The following NT5DC1 variants were observed in gnomAD, a reference collection of about 807,000 sequenced individuals.
NT5DC1 encodes 5'-nucleotidase domain containing 1.
A neutral mutation model predicts 59.4 loss-of-function variants in NT5DC1; 42 were observed. The ratio of observed to expected loss-of-function variants is 0.71; its 90% confidence interval spans 0.55 to 0.92. The LOEUF is 0.92. Among genes scored for constraint, NT5DC1 ranks in the 40% least tolerant of loss-of-function variants. The probability of loss-of-function intolerance (pLI) is 0.00; values close to 1 mark genes in which losing one functional copy is unlikely to be tolerated. For synonymous variants in NT5DC1, 172 were observed against 188.1 expected, an observed-to-expected ratio of 0.91 and a Z score of 0.70; for missense variants, 501 against 537.1, an observed-to-expected ratio of 0.93 and a Z score of 0.66.
intron 6 of NT5DC1, among the ~76,000 whole-genome samples, chr6:116,127,812 C>T (rs1375567954): frequency 1.3e-5 from 2 of 152,138 alleles, no homozygotes; most frequent in African/African-American, 2.4e-5. Flanking sequence ...CACTCGTGAA[C>T]GTTCAGAAGA....
At position 116,238,361 on chromosome 6, in the gene NT5DC1, T is replaced by C; in HGVS notation, c.1083+13T>C. On this transcript the variant is annotated intron_variant, in intron 10 of 11. Transcript: ENST00000319550. ...AGGAAAATATGAGGTAAGGGTTCCC[T>C]GCAGCTCTTTCCTTGAAAGACAAAT... 1.3e-6 allele frequency: 2 copies of C among 1,542,336 alleles called. No homozygotes were observed. Among genetic ancestry groups the C allele is most frequent in the Non-Finnish European group, 1.7e-6 (2 of 1,147,972 alleles).
chr6:116,109,473 G>A (rs1453463057), intron 3 of NT5DC1, among the ~76,000 whole-genome samples: 2 of 152,204 alleles, frequency 1.3e-5, no homozygotes, highest in Non-Finnish European at 2.9e-5. Context: ...ACAGTTAAAA[G>A]AATGAAAAGC....
intron 11 of NT5DC1, among the ~76,000 whole-genome samples, chr6:116,241,913 A>G (rs1324858264): frequency 4.6e-5 from 5 of 107,952 alleles, no homozygotes; most frequent in Non-Finnish European, 8.8e-5. Context: ...ACAGAGCAAG[A>G]CTCCGTCTCA....
intron 6 of NT5DC1, among the ~76,000 whole-genome samples, chr6:116,173,884 T>C (rs1249594529): frequency 6.6e-6 from 1 of 152,200 alleles, no homozygotes; most frequent in Non-Finnish European, 1.5e-5. Context: ...CTACCAGTTT[T>C]TATACTAATG....
chr6:116,106,312 G>T lies in NT5DC1; in HGVS notation c.162G>T (p.Val54=). ...GGTACGATAAGGAATTGCTCAATGT[G>T]ACCCCAGAGGATTGGGATTTCTGGT... ...EKGYDKELLN[V]TPEDWDFCCK... Residue 54 remains valine, a synonymous_variant, in exon 2 of 12, where the codon GTG becomes GTT. Transcript: ENST00000319550. The T allele has an allele frequency of 6.5e-7, 1 of 1,531,968 alleles. No homozygotes were observed. Among genetic ancestry groups the T allele is most frequent in the Non-Finnish European group, 9.0e-7 (1 of 1,108,406 alleles). The allele number at this position is 1,531,968 out of a possible 1,614,324, so 94.9% of individuals were successfully genotyped here.
Position 116,247,660 on chromosome 6 carries a change from A to G in NT5DC1, c.*3636A>G, listed in dbSNP as rs1771875048. The G allele has an allele frequency of 6.6e-6, 1 of 152,186 alleles. No homozygotes were observed. Among genetic ancestry groups the G allele is most frequent in the African/African-American group, 2.4e-5 (1 of 41,438 alleles). The allele number at this position is 152,186 out of a possible 1,614,324, so 9.4% of individuals were successfully genotyped here. On this transcript the variant is annotated 3_prime_UTR_variant, in exon 12 of 12. Coordinates refer to ENST00000319550, the MANE Select transcript of NT5DC1 (RefSeq NM_152729.3). ...GTTCACAGACTCTTTTCAAAAAACA[A>G]GTTTATTTTACTTTTTTTGGTACTT...
intron 6 of NT5DC1, chr6:116,122,003 G>C (rs773249195): frequency 1.3e-6 from 2 of 1,534,842 alleles, no homozygotes; most frequent in Non-Finnish European, 1.8e-6. Flanking sequence ...GAAGGGGATG[G>C]TTAGTGACAT....
At chr6:116,167,835 C>T (rs190020294) in intron 6 of NT5DC1, among the ~76,000 whole-genome samples, 6 of 152,162 alleles carry the variant, frequency 3.9e-5, no homozygotes, top group African/African-American at 1.2e-4. Flanking sequence ...TAGAGCTAAA[C>T]AATCATATCT....
intron 11 of NT5DC1, among the ~76,000 whole-genome samples, chr6:116,240,692 A>T (rs1771694859): frequency 1.3e-5 from 2 of 152,252 alleles, no homozygotes; most frequent in Non-Finnish European, 2.9e-5. Flanking sequence ...ATTAAAAGCA[A>T]TCAAGAGCAT....
chr6:116,121,396 C>A lies in NT5DC1; in HGVS notation c.529+3451C>A, dbSNP rs112875740. 8.5e-5 allele frequency: 137 copies of A among 1,614,004 alleles called. No individual in the cohort carries two copies. In the African/African-American group the frequency reaches 1.5e-3, roughly 18 times the overall value. ...GTGGGCCAATTGGTCCCATTTCTCC[C>A]GGAAAACCTCTATCACCTTTGATGC... is the stretch of plus-strand genomic sequence containing the variant. On this transcript the variant is annotated intron_variant, in intron 6 of 11. Transcript: ENST00000319550.
chr6:116,106,456 C>T lies in NT5DC1; in HGVS notation c.185+121C>T, dbSNP rs1778770935. On this transcript the variant is annotated intron_variant, in intron 2 of 11. Transcript: ENST00000319550. ...TGGAATGTGAAATGTGAGATTGAGT[C>T]AAAGGACAAATGCCTTCTATATTAA... 15 of 625,868 alleles carry T rather than the reference C, an allele frequency of 2.4e-5. No individual in the cohort carries two copies. In the South Asian group the frequency reaches 2.9e-4, roughly 12 times the overall value. The allele number at this position is 625,868 out of a possible 1,614,324, so 38.8% of individuals were successfully genotyped here.
intron 6 of NT5DC1, among the ~76,000 whole-genome samples, chr6:116,138,362 C>G (rs1194090343): frequency 6.6e-6 from 1 of 152,190 alleles, no homozygotes; most frequent in Non-Finnish European, 1.5e-5. Context: ...CACTACTTAA[C>G]TAGGAACTAC....
At chr6:116,232,498 A>G (rs1782037337) in intron 8 of NT5DC1, among the ~76,000 whole-genome samples, 1 of 147,490 alleles carries the variant, frequency 6.8e-6, no homozygotes, top group African/African-American at 2.6e-5. Flanking sequence ...TAAGACTTAA[A>G]AAACATGTAA....
At chr6:116,183,497 G>T (rs1780930902) in intron 6 of NT5DC1, among the ~76,000 whole-genome samples, 1 of 151,388 alleles carries the variant, frequency 6.6e-6, no homozygotes, top group East Asian at 1.9e-4. Flanking sequence ...ATATTTTGTG[G>T]GATTTTTATA....
At position 116,108,237 on chromosome 6, in the gene NT5DC1, T is replaced by C. The variant is rs1778804123; in HGVS notation, c.186-127T>C. On this transcript the variant is annotated intron_variant, in intron 2 of 11. Coordinates refer to ENST00000319550, the MANE Select transcript of NT5DC1 (RefSeq NM_152729.3). The stretch of plus-strand genomic sequence containing the variant: ...TTCTTAGATATTCTTAATTGTGTGA[T>C]TAACATATCATTCCCCTGGGTGGCA... 1.1e-5 allele frequency: 7 copies of C among 662,992 alleles called. No individual in the cohort carries two copies. In the South Asian group the frequency reaches 1.2e-4, roughly 12 times the overall value. The allele number at this position is 662,992 out of a possible 1,614,324, so 41.1% of individuals were successfully genotyped here. A position where few individuals can be genotyped will look rare whatever the true frequency, so the allele number is the denominator to read the frequency against.
Position 116,110,285 on chromosome 6 carries a change from C to G in NT5DC1, c.258-565C>G, listed in dbSNP as rs1778847648. The stretch of plus-strand genomic sequence containing the variant: ...ATACCTACTTTCTTGTCATGTTGCT[C>G]TGTTTTTCCACATTTCTCTTCGATT... On this transcript the variant is annotated intron_variant, in intron 3 of 11. Coordinates refer to ENST00000319550, the MANE Select transcript of NT5DC1 (RefSeq NM_152729.3). 2.6e-5 allele frequency among the ~76,000 whole-genome samples: 4 copies of G among 152,334 alleles called. No homozygotes were observed. In the South Asian group the frequency reaches 8.3e-4, roughly 32 times the overall value.
chr6:116,106,218 T>A lies in NT5DC1; in HGVS notation c.94-26T>A, dbSNP rs777938578. 2.8e-6 allele frequency: 3 copies of A among 1,086,024 alleles called. No homozygotes were observed. In the East Asian group the frequency reaches 7.0e-5, roughly 26 times the overall value. The allele number at this position is 1,086,024 out of a possible 1,614,324, so 67.3% of individuals were successfully genotyped here. A position where few individuals can be genotyped will look rare whatever the true frequency, so the allele number is the denominator to read the frequency against. ...AATGAATAGTGGGTGTTATATTTAA[T>A]CTGTTTTTCTTCCCCTTATTTGCAG... On this transcript the variant is annotated intron_variant, in intron 1 of 11. Coordinates refer to ENST00000319550, the MANE Select transcript of NT5DC1 (RefSeq NM_152729.3).
At chr6:116,146,293 G>T (rs1052561570) in intron 6 of NT5DC1, among the ~76,000 whole-genome samples, 3 of 152,154 alleles carry the variant, frequency 2.0e-5, no homozygotes, top group African/African-American at 7.2e-5. Context: ...AACAAAGGTG[G>T]CTATGTACTT....
chr6:116,135,853 A>G (rs7453706), intron 6 of NT5DC1, among the ~76,000 whole-genome samples: 5,577 of 120,964 alleles, frequency 0.046, 406 homozygotes, highest in African/African-American at 0.16. Context: ...ATATATATAT[A>G]TATATATATA....
Sources: allele counts gnomAD v4.1 joint callset (sites outside exome capture counted in the v4.1 genomes callset), GRCh38; gene constraint gnomAD v4.1.1; transcripts MANE v1.5; gene names NCBI Gene and HGNC (gene_info 2026-07-23, HGNC 2026-07-21).